AAMP: variants seen among roughly 807,000 people sequenced by gnomAD.
The protein encoded by AAMP is angio-associated migratory cell protein.
A neutral mutation model predicts 51.1 loss-of-function variants in AAMP; 12 were observed. That is an observed-to-expected ratio of 0.23 (90% confidence interval 0.15 to 0.38). The LOEUF (loss-of-function observed/expected upper bound fraction) is 0.38. AAMP is among the 10% of genes least tolerant of loss of function. The pLI, the probability that AAMP is intolerant of heterozygous loss-of-function variation, is 1.00. For synonymous variants in AAMP, 210 were observed against 218.7 expected (o/e 0.96, Z 0.35); for missense variants, 418 against 557.2 (o/e 0.75, Z 2.52).
chr2:218,266,506 C>A lies in AAMP; in HGVS notation c.616G>T (p.Gly206Cys), dbSNP rs949161123. The part of the protein sequence containing the change: ...GNTWMWKVPN[G>C]DCKTFQGPNC... ...GGACCCTGGAAGGTCTTGCAGTCACCATTCGGGACTTTCCACATCCAGGTG... is the reference window on the plus strand; with the variant it reads ...GGACCCTGGAAGGTCTTGCAGTCACAATTCGGGACTTTCCACATCCAGGTG... The change falls in exon 5 of 11, where the codon GGT becomes TGT. Residue 206 changes from glycine (G) to cysteine (C), a missense_variant. By Grantham distance (159) the Gly-to-Cys change is radical. Coordinates refer to ENST00000248450, the MANE Select transcript of AAMP (RefSeq NM_001087.5). The surrounding 1 kb of genome is among the most constrained non-coding windows in gnomAD (Gnocchi z 4.7). The A allele has an allele frequency of 6.2e-7, 1 of 1,614,046 alleles. No homozygotes were observed. The highest frequency in any genetic ancestry group is 8.5e-7 in the Non-Finnish European group (1 of 1,180,010).
At position 218,266,110 on chromosome 2, in the gene AAMP, G is replaced by A; in HGVS notation, c.717C>T (p.Ile239=). 6.2e-7 allele frequency: 1 copy of A among 1,614,176 alleles called. No individual in the cohort carries two copies. Among genetic ancestry groups the A allele is most frequent in the East Asian group, 2.2e-5 (1 of 44,884 alleles). The change falls in exon 6 of 11, where the codon ATC becomes ATT. Residue 239 remains isoleucine, a synonymous_variant. Transcript: ENST00000248450. The surrounding 1 kb of genome is among the most constrained non-coding windows in gnomAD (Gnocchi z 4.7). ...RAVVGYEDGT[I]RIWDLKQGSP... is the part of the protein sequence containing the mutation. ...TTCCCTGCTTCAGGTCCCAAATCCT[G>A]ATGGTCCCATCTTCATAGCCTACCA...
In AAMP at chr2:218,266,852, G is replaced by T. The variant is rs1398110018; in HGVS notation, c.529C>A (p.Leu177Met). 2 of 1,614,064 alleles carry T rather than the reference G, an allele frequency of 1.2e-6. No individual in the cohort carries two copies. The highest frequency in any genetic ancestry group is 1.7e-6 in the Non-Finnish European group (2 of 1,180,024). ...TCCCGCTCTGATGATCTTACCTCCA[G>T]GTCTCCCGCTTCAAAGGACCAGACC... is the stretch of plus-strand genomic sequence containing the variant. ...EEVWSFEAGDLEWMEWHPRAP... is the reference protein window; with the variant it reads ...EEVWSFEAGDMEWMEWHPRAP... Residue 177 changes from leucine to methionine, a missense_variant, in exon 4 of 11, where the codon CTG becomes ATG. Leu to Met is a conservative substitution (Grantham distance 15). Transcript: ENST00000248450. This position sits in a 1 kb window ranked among gnomAD's most constrained non-coding sequence, Gnocchi z 4.7.
Position 218,265,340 on chromosome 2 carries a change from C to T in AAMP, c.1074+31G>A. The T allele has an allele frequency of 6.5e-7, 1 of 1,542,256 alleles. No individual in the cohort carries two copies. Among genetic ancestry groups the T allele is most frequent in the Non-Finnish European group, 8.8e-7 (1 of 1,136,994 alleles). ...GCTTCCCCACCACTATGGACACAGC[C>T]CACAGGGACCCCAGCTCCAGCTGCC... On this transcript the variant is annotated intron_variant, in intron 9 of 10. Coordinates refer to ENST00000248450, the MANE Select transcript of AAMP (RefSeq NM_001087.5). The surrounding 1 kb of genome is among the most constrained non-coding windows in gnomAD (Gnocchi z 6.6).
Position 218,266,733 on chromosome 2 carries a change from G to A in AAMP, c.534+114C>T. 1 of 1,560,198 alleles carries A rather than the reference G, an allele frequency of 6.4e-7. No individual in the cohort carries two copies. The highest frequency in any genetic ancestry group is 8.7e-7 in the Non-Finnish European group (1 of 1,147,120). ...AGGTAGATATTCTTCCTGTGCCTTG[G>A]GGCGCATTGGCTCAGAGCTGGCTTG... On this transcript the variant is annotated intron_variant, in intron 4 of 10. Coordinates refer to ENST00000248450, the MANE Select transcript of AAMP (RefSeq NM_001087.5). The surrounding 1 kb of genome is among the most constrained non-coding windows in gnomAD (Gnocchi z 4.7).
At position 218,270,111 on chromosome 2, in the gene AAMP, C is replaced by T. The variant is rs765415808; in HGVS notation, c.-25G>A. Reference sequence around the variant, plus strand: ...TGCGGCGCAAGCGGCGGATCCACTTCTCTGGGCCCAAACGCCTCCCAGAGT... The same window carrying T: ...TGCGGCGCAAGCGGCGGATCCACTTTTCTGGGCCCAAACGCCTCCCAGAGT... On this transcript the variant is annotated 5_prime_UTR_variant, in exon 1 of 11. Transcript: ENST00000248450. 6.8e-6 allele frequency: 11 copies of T among 1,612,468 alleles called. No homozygotes were observed. In the Admixed American group the frequency reaches 1.2e-4, roughly 17 times the overall value.
At chr2:218,264,669 C>A in intron 10 of AAMP, 61 bp from the exon 11 acceptor site, 1 of 1,494,548 alleles carries the variant, frequency 6.7e-7, no homozygotes, top group East Asian at 2.3e-5. Flanking sequence ...ACCTAGGGGC[C>A]CTAGGGTGGG....
rs1690567119 is a variant in AAMP, at chr2:218,264,414, A to G, written c.*119T>C. 7 of 970,918 alleles carry G rather than the reference A, an allele frequency of 7.2e-6. No homozygotes were observed. Among genetic ancestry groups the G allele is most frequent in the South Asian group, 5.4e-5 (4 of 73,426 alleles). The allele number at this position is 970,918 out of a possible 1,614,324, so 60.1% of individuals were successfully genotyped here. A position where few individuals can be genotyped will look rare whatever the true frequency, so the allele number is the denominator to read the frequency against. On this transcript the variant is annotated 3_prime_UTR_variant, in exon 11 of 11. Transcript: ENST00000248450. ...GGAGCAAGTCAGTTGAAGAGGCTGG[A>G]AAGTCATCCAGGGCCCCACCCTCCT...
At position 218,266,225 on chromosome 2, in the gene AAMP, G is replaced by A; in HGVS notation, c.680-78C>T. 6.9e-7 allele frequency: 1 copy of A among 1,444,962 alleles called. No homozygotes were observed. Among genetic ancestry groups the A allele is most frequent in the South Asian group, 1.2e-5 (1 of 85,904 alleles). 89.5% of individuals were successfully genotyped at this position (1,444,962 alleles called of 1,614,324 possible). ...AGCAAGGGAATGGGGAGAGGGAGAG[G>A]AAAGAAGAGTGGAAGGGCCCAGACA... On this transcript the variant is annotated intron_variant, in intron 5 of 10. Transcript: ENST00000248450. This position sits in a 1 kb window ranked among gnomAD's most constrained non-coding sequence, Gnocchi z 4.7.
Position 218,267,716 on chromosome 2 carries a change from C to A in AAMP, c.275-103G>T. 6.8e-7 allele frequency: 1 copy of A among 1,460,006 alleles called. No homozygotes were observed. Among genetic ancestry groups the A allele is most frequent in the South Asian group, 1.2e-5 (1 of 84,004 alleles). 90.4% of individuals were successfully genotyped at this position (1,460,006 alleles called of 1,614,324 possible). A position where few individuals can be genotyped will look rare whatever the true frequency, so the allele number is the denominator to read the frequency against. ...CCACCCCCTTTCACCCAAAGCGTGTCTTTCCTCCTGGAAAACACAGGTACA... is the reference window on the plus strand; with the variant it reads ...CCACCCCCTTTCACCCAAAGCGTGTATTTCCTCCTGGAAAACACAGGTACA... On this transcript the variant is annotated intron_variant, in intron 2 of 10. Coordinates refer to ENST00000248450, the MANE Select transcript of AAMP (RefSeq NM_001087.5). This position sits in a 1 kb window ranked among gnomAD's most constrained non-coding sequence, Gnocchi z 4.6.
At position 218,265,924 on chromosome 2, in the gene AAMP, T is replaced by C; in HGVS notation, c.786A>G (p.Pro262=). 6.2e-7 allele frequency: 1 copy of C among 1,613,780 alleles called. No homozygotes were observed. The highest frequency in any genetic ancestry group is 8.5e-7 in the Non-Finnish European group (1 of 1,179,880). The part of the protein sequence containing the change: ...VLKGTEGHQG[P]LTCVAANQDG... ...CCTGGTTGGCAGCAACACAGGTGAG[T>C]GGGCCCTGGTGACCCTCAGTCCCTA... is the stretch of plus-strand genomic sequence containing the variant. The change falls in exon 7 of 11, where the codon CCA becomes CCG. Residue 262 remains proline, a synonymous_variant. Transcript: ENST00000248450. This position sits in a 1 kb window ranked among gnomAD's most constrained non-coding sequence, Gnocchi z 6.6.
rs202084954 is a variant in AAMP, at chr2:218,265,361, C to A, written c.1074+10G>T. ...CAGCCCACAGGGACCCCAGCTCCAG[C>A]TGCCCATACCTGGTGCTGACACTGA... On this transcript the variant is annotated intron_variant, in intron 9 of 10. Coordinates refer to ENST00000248450, the MANE Select transcript of AAMP (RefSeq NM_001087.5). This position sits in a 1 kb window ranked among gnomAD's most constrained non-coding sequence, Gnocchi z 6.6. 2 of 1,552,656 alleles carry A rather than the reference C, an allele frequency of 1.3e-6. No individual in the cohort carries two copies. The highest frequency in any genetic ancestry group is 1.2e-5 in the South Asian group (1 of 84,766).
Position 218,270,130 on chromosome 2 carries a change from C to A in AAMP, c.-44G>T, listed in dbSNP as rs1335750358. The stretch of plus-strand genomic sequence containing the variant: ...CCACTTCTCTGGGCCCAAACGCCTC[C>A]CAGAGTCAGCTCTGCGCGACGACGC... On this transcript the variant is annotated 5_prime_UTR_variant, in exon 1 of 11. Coordinates refer to ENST00000248450, the MANE Select transcript of AAMP (RefSeq NM_001087.5). 1.1e-5 allele frequency: 18 copies of A among 1,607,346 alleles called. No individual in the cohort carries two copies. The highest frequency in any genetic ancestry group is 1.5e-5 in the Non-Finnish European group (18 of 1,176,348).
Position 218,269,434 on chromosome 2 carries a change from GACC to G in AAMP, c.219_221del (p.Val74del), listed in dbSNP as rs1553654133. The G allele has an allele frequency of 3.1e-6, 5 of 1,614,066 alleles. No homozygotes were observed. The highest frequency in any genetic ancestry group is 4.2e-6 in the Non-Finnish European group (5 of 1,180,042). The stretch of plus-strand genomic sequence containing the variant: ...TATCGTCGGGGCCCTCCATGCTGCC[GACC>G]ACCCCTTCCTGGGGTTCTAGAACCC... On this transcript the variant is annotated inframe_deletion, in exon 2 of 11. Coordinates refer to ENST00000248450, the MANE Select transcript of AAMP (RefSeq NM_001087.5).
rs778404161 is a variant in AAMP, at chr2:218,269,495, T to C, written c.161A>G (p.Glu54Gly). ...AQEMEDVDFE[E>G]EEEEEGNEEG... Reference sequence around the variant, plus strand: ...TTCGTTGCCCTCTTCCTCCTCTTCTTCCTCAAAGTCCACATCTTCCATCTC... The same window carrying C: ...TTCGTTGCCCTCTTCCTCCTCTTCTCCCTCAAAGTCCACATCTTCCATCTC... The change falls in exon 2 of 11, where the codon GAA becomes GGA. Residue 54 changes from glutamate to glycine, a missense_variant. Physicochemically the swap from Glu to Gly is moderately conservative, Grantham distance 98. Transcript: ENST00000248450. 6.2e-7 allele frequency: 1 copy of C among 1,614,160 alleles called. No homozygotes were observed. The highest frequency in any genetic ancestry group is 8.5e-7 in the Non-Finnish European group (1 of 1,180,034).
At position 218,270,044 on chromosome 2, in the gene AAMP, G is replaced by T. The variant is rs145888617; in HGVS notation, c.43C>A (p.Pro15Thr). Residue 15 changes from proline (P) to threonine (T), a missense_variant, in exon 1 of 11, where the codon CCA (proline) becomes ACA (threonine). Coordinates refer to ENST00000248450, the MANE Select transcript of AAMP (RefSeq NM_001087.5). ...CCATGGAAGCTTAGGGTCTCCAGTG[G>T]GGGGGTGTCAGCAGCAGCCCCGCTT... ...SESGAAADTP[P>T]LETLSFHGDE... The T allele has an allele frequency of 7.2e-5, 117 of 1,614,102 alleles. 1 individual carries two copies. Among genetic ancestry groups the T allele is most frequent in the Admixed American group, 1.2e-4 (7 of 60,020 alleles).
At chr2:218,264,878 G>A (rs932364137) in intron 10 of AAMP, 142 bp downstream of exon 10, 24 of 1,368,072 alleles carry the variant, frequency 1.8e-5, no homozygotes, top group Non-Finnish European at 2.5e-5. Context: ...CACTGGAATG[G>A]GGGCTGGGCT....
rs969691774 is a variant in AAMP, at chr2:218,266,302, T to C, written c.679+141A>G. 7 of 1,376,330 alleles carry C rather than the reference T, an allele frequency of 5.1e-6. No individual in the cohort carries two copies. The African/African-American group carries it at 5.8e-5, about 11-fold the overall frequency. The allele number at this position is 1,376,330 out of a possible 1,614,324, so 85.3% of individuals were successfully genotyped here. On this transcript the variant is annotated intron_variant, in intron 5 of 10. Coordinates refer to ENST00000248450, the MANE Select transcript of AAMP (RefSeq NM_001087.5). The surrounding 1 kb of genome is among the most constrained non-coding windows in gnomAD (Gnocchi z 4.7). ...AGAGCAGGAAGGAGGCGCTGTGAAC[T>C]TTGGGGCCCAGGAGGTCAGCACTGC...
chr2:218,268,579 T>C (rs1335834893), intron 2 of AAMP, among the ~76,000 whole-genome samples: 1 of 151,092 alleles, frequency 6.6e-6, no homozygotes. Flanking sequence ...CGACCTCAGG[T>C]GATCCACCCG....
chr2:218,266,495 C>G lies in AAMP; in HGVS notation c.627G>C (p.Lys209Asn). The change falls in exon 5 of 11, where the codon AAG becomes AAC. Residue 209 changes from lysine to asparagine, a missense_variant. Lys to Asn is a moderately conservative substitution (Grantham distance 94, BLOSUM62 0). Transcript: ENST00000248450. The surrounding 1 kb of genome is among the most constrained non-coding windows in gnomAD (Gnocchi z 4.7). ...WMWKVPNGDC[K>N]TFQGPNCPAT... ...CTGGGCAGTTGGGACCCTGGAAGGT[C>G]TTGCAGTCACCATTCGGGACTTTCC... 1 of 1,614,098 alleles carries G rather than the reference C, an allele frequency of 6.2e-7. No homozygotes were observed. The highest frequency in any genetic ancestry group is 8.5e-7 in the Non-Finnish European group (1 of 1,180,018).
Sources: gnomAD v4.1 joint callset for allele counts (sites outside exome capture counted in the v4.1 genomes callset) on GRCh38, gnomAD v4.1.1 for gene constraint, Gnocchi (gnomAD v3.1) non-coding constraint, MANE v1.5 for transcripts, NCBI Gene and HGNC (gene_info 2026-07-23, HGNC 2026-07-21) for gene names.